Variants in NCOA1 observed in about 807,000 individuals in gnomAD.
NCOA1 encodes nuclear receptor coactivator 1.
In NCOA1, 35 loss-of-function variants were observed where a neutral mutation model predicts 150.9. The ratio of observed to expected loss-of-function variants is 0.23; its 90% CI spans 0.18 to 0.31. NCOA1 has a LOEUF of 0.31. Ranked by LOEUF, NCOA1 falls within the 10% of genes least tolerant of loss-of-function variation. The pLI, the probability that NCOA1 is intolerant of heterozygous loss-of-function variation, is 1.00. For missense variants in NCOA1, 1,491 were observed against 1,749.3 expected (o/e 0.85, Z 2.63); for synonymous variants, 590 against 630.0 (o/e 0.94, Z 0.95).
Position 24,770,217 on chromosome 2 carries a change from C to G in NCOA1, c.*1826C>G. 4.3e-6 allele frequency: 1 copy of G among 231,500 alleles called. No homozygotes were observed. Among genetic ancestry groups the G allele is most frequent in the Non-Finnish European group, 8.6e-6 (1 of 116,668 alleles). The allele number at this position is 231,500 out of a possible 1,614,324, so 14.3% of individuals were successfully genotyped here. A position where few individuals can be genotyped will look rare whatever the true frequency, so the allele number is the denominator to read the frequency against. ...CAGCTTGAAAGCCAGCCATATTACT[C>G]TAGTCCCTACCAAACTGCTCTAGAA... is the stretch of plus-strand genomic sequence containing the variant. On this transcript the variant is annotated 3_prime_UTR_variant, in exon 23 of 23. Coordinates refer to ENST00000348332, the MANE Select transcript of NCOA1 (RefSeq NM_003743.5).
chr2:24,707,161 TGAG>T lies in NCOA1; in HGVS notation c.1692_1694del (p.Met564_Ser565delinsIle). Reference sequence around the variant, plus strand: ...GCCAGTTCTCCAGTCCTCAGGCAGATGAGCTCACAGAATTCACCTAGCAGATTA... The same window carrying T: ...GCCAGTTCTCCAGTCCTCAGGCAGATCTCACAGAATTCACCTAGCAGATTA... On this transcript the variant is annotated inframe_deletion, in exon 13 of 23. Coordinates refer to ENST00000348332, the MANE Select transcript of NCOA1 (RefSeq NM_003743.5). 6.2e-7 allele frequency: 1 copy of T among 1,614,202 alleles called. No individual in the cohort carries two copies. The highest frequency in any genetic ancestry group is 1.1e-5 in the South Asian group (1 of 91,086).
chr2:24,746,201 C>T (rs1380049163), intron 19 of NCOA1, among the ~76,000 whole-genome samples: 1 of 152,210 alleles, frequency 6.6e-6, no homozygotes, highest in Non-Finnish European at 1.5e-5. Flanking sequence ...TTGCCACTGT[C>T]ACATGTCTGC....
At chr2:24,733,863 G>T (rs1259244366) in intron 17 of NCOA1, among the ~76,000 whole-genome samples, 1 of 151,586 alleles carries the variant, frequency 6.6e-6, no homozygotes, top group Non-Finnish European at 1.5e-5. Flanking sequence ...AAAATTAATG[G>T]CAATTCTTTT....
At chr2:24,685,101 T>C (rs530561961) in intron 8 of NCOA1, among the ~76,000 whole-genome samples, 1 of 152,144 alleles carries the variant, frequency 6.6e-6, no homozygotes, top group East Asian at 1.9e-4. Context: ...ATTATTTATA[T>C]ATATATATTC....
chr2:24,764,776 T>C (rs926308271), intron 22 of NCOA1, among the ~76,000 whole-genome samples: 9 of 152,290 alleles, frequency 5.9e-5, no homozygotes, highest in South Asian at 2.1e-4. Context: ...AAGTGCTAGT[T>C]TAGACTTCAT....
At chr2:24,680,277 G>A (rs1451648730) in intron 7 of NCOA1, among the ~76,000 whole-genome samples, 1 of 152,020 alleles carries the variant, frequency 6.6e-6, no homozygotes, top group Non-Finnish European at 1.5e-5. Flanking sequence ...CCTCACCTAC[G>A]CTTAACAGAT....
intron 3 of NCOA1, among the ~76,000 whole-genome samples, chr2:24,591,062 TATATC>T (rs766808727): frequency 5.9e-5 from 9 of 152,214 alleles, no homozygotes; most frequent in African/African-American, 1.7e-4. Flanking sequence ...TTGTCTAAAT[TATATC>T]ATATGATCTA....
chr2:24,629,876 C>G (rs1669624604), intron 3 of NCOA1, among the ~76,000 whole-genome samples: 1 of 136,530 alleles, frequency 7.3e-6, no homozygotes, highest in Non-Finnish European at 1.5e-5. Context: ...TGGAGTCTCG[C>G]TTTGTCGCCC....
intron 1 of NCOA1, among the ~76,000 whole-genome samples, chr2:24,529,322 A>G (rs912889758): frequency 1.3e-5 from 2 of 152,198 alleles, no homozygotes; most frequent in African/African-American, 4.8e-5. Context: ...AACATTTTCT[A>G]GGGCAGAGTT....
At chr2:24,576,964 T>G (rs1667015480) in intron 2 of NCOA1, among the ~76,000 whole-genome samples, 1 of 152,220 alleles carries the variant, frequency 6.6e-6, no homozygotes, top group Admixed American at 6.5e-5. Flanking sequence ...TTAACTGAAT[T>G]AAGACCCATA....
At chr2:24,692,892 G>T (rs974222269) in intron 9 of NCOA1, among the ~76,000 whole-genome samples, 1 of 152,158 alleles carries the variant, frequency 6.6e-6, no homozygotes, top group Non-Finnish European at 1.5e-5. Flanking sequence ...ACGGAGTCTC[G>T]CTCTGTGGCC....
intron 14 of NCOA1, among the ~76,000 whole-genome samples, chr2:24,715,533 A>G (rs1013527256): frequency 6.6e-6 from 1 of 152,238 alleles, no homozygotes; most frequent in South Asian, 2.1e-4. Context: ...ACTTGAACTA[A>G]ATGAACTTAG....
At chr2:24,632,449 T>A (rs1267756276) in intron 3 of NCOA1, among the ~76,000 whole-genome samples, 1 of 152,210 alleles carries the variant, frequency 6.6e-6, no homozygotes, top group Non-Finnish European at 1.5e-5. Flanking sequence ...ACTTCTCCCA[T>A]CCTGACAAGT....
At chr2:24,547,612 G>T (rs1572404845) in intron 1 of NCOA1, among the ~76,000 whole-genome samples, 2 of 152,224 alleles carry the variant, frequency 1.3e-5, no homozygotes, top group East Asian at 3.9e-4. Context: ...ATACAGCATT[G>T]TATGGCAAAA....
intron 4 of NCOA1, among the ~76,000 whole-genome samples, chr2:24,646,467 C>G (rs1670479937): frequency 6.6e-6 from 1 of 152,142 alleles, no homozygotes; most frequent in Admixed American, 6.5e-5. Context: ...TTGTCTGATT[C>G]ACAATCATAG....
intron 7 of NCOA1, among the ~76,000 whole-genome samples, chr2:24,675,861 C>T (rs1033312641): frequency 1.1e-4 from 16 of 151,882 alleles, no homozygotes; most frequent in Admixed American, 4.6e-4. Flanking sequence ...CTCCAGCCTG[C>T]GCAACAGAGT....
chr2:24,523,124 A>G (rs969416471), intron 1 of NCOA1, among the ~76,000 whole-genome samples: 6 of 152,230 alleles, frequency 3.9e-5, no homozygotes, highest in African/African-American at 1.4e-4. Flanking sequence ...GGGGTTATCC[A>G]TGCATTTCAG....
At chr2:24,557,380 C>A (rs1666113422) in intron 1 of NCOA1, among the ~76,000 whole-genome samples, 1 of 152,020 alleles carries the variant, frequency 6.6e-6, no homozygotes, top group African/African-American at 2.4e-5. Context: ...CCCTACAATG[C>A]AGTCTTATTA....
intron 1 of NCOA1, among the ~76,000 whole-genome samples, chr2:24,501,806 T>C (rs1663474036): frequency 6.6e-6 from 1 of 152,210 alleles, no homozygotes; most frequent in Admixed American, 6.5e-5. Flanking sequence ...TCTAGAGCTT[T>C]CACCAAATTT....
Sources: gnomAD v4.1 joint callset for allele counts (sites outside exome capture counted in the v4.1 genomes callset) on GRCh38, gnomAD v4.1.1 for gene constraint, MANE v1.5 for transcripts, NCBI Gene and HGNC (gene_info 2026-07-23, HGNC 2026-07-21) for gene names.